Variants in INSYN2A observed in about 807,000 individuals in gnomAD.
INSYN2A encodes inhibitory synaptic factor 2A, also known as family with sequence similarity 196 member A.
Under a neutral mutation model 39.4 loss-of-function variants are expected in INSYN2A, and 17 were observed. That is an observed-to-expected ratio of 0.43 (90% CI 0.30 to 0.65). INSYN2A has a LOEUF of 0.65. Ranked by LOEUF, INSYN2A falls within the 30% of genes least tolerant of loss-of-function variation. The pLI, the probability that INSYN2A is intolerant of heterozygous loss-of-function variation, is 0.14. For synonymous variants in INSYN2A, 255 were observed against 265.7 expected (o/e 0.96, Z 0.39); for missense variants, 595 against 631.2 (o/e 0.94, Z 0.61).
Position 127,176,552 on chromosome 10 carries a change from G to A in INSYN2A, c.-5-152C>T, listed in dbSNP as rs538821100. Among the ~76,000 whole-genome samples the A allele has an allele frequency of 6.6e-6, 1 of 152,120 alleles. No homozygotes were observed. Among genetic ancestry groups the A allele is most frequent in the Non-Finnish European group, 1.5e-5 (1 of 68,020 alleles). On this transcript the variant is annotated intron_variant, in intron 3 of 5. Coordinates refer to ENST00000522781, the MANE Select transcript of INSYN2A (RefSeq NM_001039762.3). The surrounding 1 kb of genome is among the most constrained non-coding windows in gnomAD (Gnocchi z 4.4). ...GCCTTTATGTTAAGGAAAATCACAC[G>A]GGCTGAGAGTCGCTGGCAGCACAGC... is the stretch of plus-strand genomic sequence containing the variant.
intron 4 of INSYN2A, among the ~76,000 whole-genome samples, chr10:127,157,845 CAGG>C (rs1186418438): frequency 1.3e-5 from 2 of 152,176 alleles, no homozygotes. Flanking sequence ...TGAATGTCAG[CAGG>C]AGATTAATTT....
At chr10:127,181,400 C>T (rs767286520) in intron 2 of INSYN2A, among the ~76,000 whole-genome samples, 2 of 152,156 alleles carry the variant, frequency 1.3e-5, no homozygotes, top group Non-Finnish European at 2.9e-5. Context: ...CTTAAAATGT[C>T]CGTGCTGATT....
intron 4 of INSYN2A, among the ~76,000 whole-genome samples, chr10:127,166,207 A>G (rs1247346414): frequency 6.6e-6 from 1 of 152,166 alleles, no homozygotes; most frequent in East Asian, 1.9e-4. Context: ...CTGGGACTAC[A>G]GGTGCCTGCC....
At chr10:127,140,664 C>T (rs915507889) in intron 5 of INSYN2A, among the ~76,000 whole-genome samples, 1 of 138,038 alleles carries the variant, frequency 7.2e-6, no homozygotes, top group African/African-American at 3.6e-5. Flanking sequence ...TTTGACACAC[C>T]GAGTCTCTGG....
At chr10:127,168,877 C>T (rs943961326) in intron 4 of INSYN2A, among the ~76,000 whole-genome samples, 1 of 152,158 alleles carries the variant, frequency 6.6e-6, no homozygotes, top group South Asian at 2.1e-4. Context: ...CTTAAATAGT[C>T]CCCTTATGCT....
intron 5 of INSYN2A, among the ~76,000 whole-genome samples, 171 bp downstream of exon 5, chr10:127,153,681 A>G (rs1462161790): frequency 1.3e-5 from 2 of 152,184 alleles, no homozygotes; most frequent in African/African-American, 2.4e-5. Context: ...CCACGGTTCT[A>G]TACTTGGGGT....
chr10:127,151,203 T>A (rs972838682), intron 5 of INSYN2A, among the ~76,000 whole-genome samples: 2 of 152,162 alleles, frequency 1.3e-5, no homozygotes, highest in African/African-American at 4.8e-5. Context: ...GATAGGGAGT[T>A]TAGGAAGCAG....
intron 4 of INSYN2A, among the ~76,000 whole-genome samples, chr10:127,156,624 A>G (rs1448689549): frequency 1.6e-5 from 2 of 123,052 alleles, no homozygotes; most frequent in African/African-American, 3.1e-5. Flanking sequence ...CTGGAGTGCA[A>G]TGGGCACAAT....
intron 2 of INSYN2A, among the ~76,000 whole-genome samples, chr10:127,183,004 A>C (rs188255889): frequency 9.6e-4 from 145 of 151,596 alleles, no homozygotes; most frequent in Admixed American, 9.1e-3. Context: ...TCTCACTCAC[A>C]TGAAAACACA....
chr10:127,170,339 C>T (rs143786921), intron 4 of INSYN2A, among the ~76,000 whole-genome samples: 90 of 152,292 alleles, frequency 5.9e-4, no homozygotes, highest in Middle Eastern at 3.4e-3. Context: ...TTGCTCTCTC[C>T]CCCTACCCCA....
chr10:127,142,832 T>C (rs2051399731), intron 5 of INSYN2A, among the ~76,000 whole-genome samples: 1 of 152,196 alleles, frequency 6.6e-6, no homozygotes, highest in South Asian at 2.1e-4. Context: ...TGAGAGTAGA[T>C]TTAATTTCTT....
chr10:127,177,284 T>C (rs1473591402), intron 2 of INSYN2A, 145 bp from the exon 3 acceptor site: 1 of 152,238 alleles, frequency 6.6e-6, no homozygotes, highest in Non-Finnish European at 1.5e-5. Flanking sequence ...ATGTTAATCA[T>C]GCAAATTCAT....
intron 5 of INSYN2A, among the ~76,000 whole-genome samples, chr10:127,147,841 G>C (rs2052044063): frequency 6.6e-6 from 1 of 151,736 alleles, no homozygotes; most frequent in Non-Finnish European, 1.5e-5. Flanking sequence ...GAACAGCCTG[G>C]CCAATATGGT....
chr10:127,151,356 G>A lies in INSYN2A; in HGVS notation c.1256+2496C>T, dbSNP rs188917599. On this transcript the variant is annotated intron_variant, in intron 5 of 5. Coordinates refer to ENST00000522781, the MANE Select transcript of INSYN2A (RefSeq NM_001039762.3). The stretch of plus-strand genomic sequence containing the variant: ...TTTGGGAGGCAGCAGGAGTCCAGCC[G>A]AAATATTACTCTGCAGACTGTCCTG... Among the ~76,000 whole-genome samples, 15 of 152,218 alleles carry A rather than the reference G, an allele frequency of 9.9e-5. No individual in the cohort carries two copies. In the East Asian group the frequency reaches 1.6e-3, roughly 16 times the overall value.
intron 4 of INSYN2A, among the ~76,000 whole-genome samples, chr10:127,159,495 T>G (rs544601514): frequency 5.9e-5 from 9 of 152,324 alleles, no homozygotes; most frequent in Non-Finnish European, 1.2e-4. Context: ...ATACCTGAAT[T>G]TTTTTGTGTG....
chr10:127,180,258 T>C (rs534509270), intron 2 of INSYN2A, among the ~76,000 whole-genome samples: 1 of 152,260 alleles, frequency 6.6e-6, no homozygotes, highest in African/African-American at 2.4e-5. Context: ...GAGCACTGAG[T>C]GAATGTTGCC....
In INSYN2A at chr10:127,137,136, C is replaced by T. The variant is rs2050769072; in HGVS notation, c.*701G>A. On this transcript the variant is annotated 3_prime_UTR_variant, in exon 6 of 6. Coordinates refer to ENST00000522781, the MANE Select transcript of INSYN2A (RefSeq NM_001039762.3). ...AAAGGCATATCCTGACTTTGGGGGA[C>T]TCCTGGCTGCTGGCCATTTGGAAAA... The T allele has an allele frequency of 6.6e-6, 1 of 152,644 alleles. No individual in the cohort carries two copies. Among genetic ancestry groups the T allele is most frequent in the South Asian group, 2.1e-4 (1 of 4,830 alleles). The allele number at this position is 152,644 out of a possible 1,614,324, so 9.5% of individuals were successfully genotyped here.
intron 5 of INSYN2A, among the ~76,000 whole-genome samples, chr10:127,144,807 G>A (rs1046065252): frequency 6.6e-6 from 1 of 152,086 alleles, no homozygotes; most frequent in Admixed American, 6.5e-5. Flanking sequence ...ATTTTACATG[G>A]TAGGTGCATT....
intron 4 of INSYN2A, among the ~76,000 whole-genome samples, chr10:127,174,727 C>T (rs575130088): frequency 6.6e-6 from 1 of 152,222 alleles, no homozygotes; most frequent in African/African-American, 2.4e-5. Flanking sequence ...TCCTGAATAC[C>T]AATATTATTT....
Sources: gnomAD v4.1 joint callset for allele counts (sites outside exome capture counted in the v4.1 genomes callset) on GRCh38, gnomAD v4.1.1 for gene constraint, Gnocchi (gnomAD v3.1) non-coding constraint, MANE v1.5 for transcripts, NCBI Gene and HGNC (gene_info 2026-07-23, HGNC 2026-07-21) for gene names.